Variants in SOX6 observed in about 807,000 individuals in gnomAD.
SOX6 encodes the protein transcription factor SOX-6.
A neutral mutation model predicts 97.8 loss-of-function variants in SOX6; 11 were observed. The observed-to-expected ratio is 0.11, with a 90% CI of 0.07 to 0.19. The LOEUF is 0.19. Ranked by LOEUF, SOX6 falls within the 10% of genes least tolerant of loss-of-function variation. The pLI, the probability that SOX6 is intolerant of heterozygous loss-of-function variation, is 1.00. For synonymous variants in SOX6, 360 were observed against 371.4 expected (o/e 0.97, Z 0.35); for missense variants, 810 against 1,039.5 (o/e 0.78, Z 3.04).
At chr11:16,267,206 TA>T (rs34063215) in intron 3 of SOX6, among the ~76,000 whole-genome samples, 117,560 of 150,894 alleles carry the variant, frequency 0.78, 45,945 homozygotes, top group Non-Finnish European at 0.8. Flanking sequence ...ACGTTAAAAT[TA>T]AAAAAAAACT....
intron 6 of SOX6, among the ~76,000 whole-genome samples, chr11:16,151,955 C>T (rs1850469512): frequency 6.6e-6 from 1 of 152,122 alleles, no homozygotes; most frequent in Non-Finnish European, 1.5e-5. Flanking sequence ...GTCAAAATAA[C>T]AACAGTTAAA....
intron 3 of SOX6, among the ~76,000 whole-genome samples, chr11:16,306,613 T>TTTTTTTTTTTTTC (rs1855442777): frequency 1.0e-4 from 13 of 128,446 alleles, no homozygotes; most frequent in South Asian, 2.6e-4. Flanking sequence ...TCAAATTTCT[T>TTTTTTTTTTTTTC]TTTTTTTTTT....
At chr11:16,211,333 A>G (rs1234343307) in intron 4 of SOX6, among the ~76,000 whole-genome samples, 1 of 152,120 alleles carries the variant, frequency 6.6e-6, no homozygotes, top group Non-Finnish European at 1.5e-5. Context: ...CTGTGTGGAG[A>G]CAAAGGAGAA....
chr11:16,064,864 C>T (rs1338684962), intron 9 of SOX6, among the ~76,000 whole-genome samples: 1 of 151,718 alleles, frequency 6.6e-6, no homozygotes, highest in African/African-American at 2.4e-5. Flanking sequence ...AAGGAATATG[C>T]CTCAATATAA....
intron 15 of SOX6, among the ~76,000 whole-genome samples, chr11:15,978,742 T>TTA (rs201126910): frequency 5.8e-4 from 83 of 142,228 alleles, no homozygotes; most frequent in South Asian, 5.4e-3. Context: ...ATAATGCTTA[T>TTA]TATATATATA....
At chr11:16,190,050 T>C (rs1212493174) in intron 4 of SOX6, among the ~76,000 whole-genome samples, 2 of 152,184 alleles carry the variant, frequency 1.3e-5, no homozygotes, top group African/African-American at 4.8e-5. Flanking sequence ...CTAAGTGACT[T>C]CTTAGCCTCT....
chr11:16,531,766 C>A (rs1861239645), intron 4 of SOX6, among the ~76,000 whole-genome samples: 1 of 151,876 alleles, frequency 6.6e-6, no homozygotes, highest in Non-Finnish European at 1.5e-5. Context: ...ACTCGCTAAT[C>A]TTTTTCTTGA....
intron 13 of SOX6, among the ~76,000 whole-genome samples, chr11:15,994,086 T>C (rs1854150249): frequency 6.6e-6 from 1 of 152,198 alleles, no homozygotes; most frequent in African/African-American, 2.4e-5. Flanking sequence ...TATACAAAGA[T>C]AAATAACATG....
chr11:16,701,724 CCG>C (rs1848095314), intron 3 of SOX6, among the ~76,000 whole-genome samples: 2 of 141,142 alleles, frequency 1.4e-5, no homozygotes, highest in African/African-American at 5.3e-5. Flanking sequence ...GGCGTGGTGG[CCG>C]GCGCCTGTAG....
intron 9 of SOX6, among the ~76,000 whole-genome samples, chr11:16,082,630 T>G (rs1848495788): frequency 6.6e-6 from 1 of 152,192 alleles, no homozygotes; most frequent in Non-Finnish European, 1.5e-5. Context: ...CAGTCTCATT[T>G]GCCACAGGGT....
intron 15 of SOX6, among the ~76,000 whole-genome samples, chr11:15,978,085 C>G (rs749927543): frequency 1.0e-3 from 158 of 152,122 alleles, no homozygotes; most frequent in Non-Finnish European, 7.1e-4. Context: ...ATCTCTCCAG[C>G]AATTGTCTCT....
At chr11:16,253,669 C>T (rs1232243844) in intron 3 of SOX6, among the ~76,000 whole-genome samples, 2 of 151,374 alleles carry the variant, frequency 1.3e-5, no homozygotes, top group African/African-American at 2.4e-5. Flanking sequence ...ACAGAAATCT[C>T]CAAAGGAAAA....
intron 3 of SOX6, among the ~76,000 whole-genome samples, chr11:16,247,615 C>T (rs1853378818): frequency 6.6e-6 from 1 of 152,074 alleles, no homozygotes. Context: ...TGGGAAGCCC[C>T]TTATAAAACC....
At chr11:16,009,718 T>C (rs1854654365) in intron 13 of SOX6, among the ~76,000 whole-genome samples, 1 of 152,046 alleles carries the variant, frequency 6.6e-6, no homozygotes, top group Admixed American at 6.6e-5. Flanking sequence ...TCTCCTTTAT[T>C]TCAAATCTGA....
chr11:16,330,534 G>A (rs990466333), intron 2 of SOX6, among the ~76,000 whole-genome samples: 3 of 152,156 alleles, frequency 2.0e-5, no homozygotes, highest in African/African-American at 7.2e-5. Flanking sequence ...TCCAGCCTGG[G>A]CGACAGAGCA....
At chr11:16,160,243 G>T (rs955197083) in intron 6 of SOX6, among the ~76,000 whole-genome samples, 1 of 152,160 alleles carries the variant, frequency 6.6e-6, no homozygotes, top group African/African-American at 2.4e-5. Flanking sequence ...ATCCAACTCA[G>T]CAGGAAGCCC....
At chr11:16,376,039 G>T (rs1426304424) in intron 1 of SOX6, among the ~76,000 whole-genome samples, 1 of 152,032 alleles carries the variant, frequency 6.6e-6, no homozygotes, top group Non-Finnish European at 1.5e-5. Context: ...GGAGTTGGGG[G>T]CTAGGGGAGG....
intron 4 of SOX6, among the ~76,000 whole-genome samples, chr11:16,561,449 A>C (rs1017175033): frequency 6.6e-6 from 1 of 152,190 alleles, no homozygotes; most frequent in African/African-American, 2.4e-5. Flanking sequence ...GACTTCATTC[A>C]GTTGCCAAAT....
intron 4 of SOX6, among the ~76,000 whole-genome samples, chr11:16,226,343 T>G (rs982348629): frequency 8.3e-5 from 12 of 144,156 alleles, no homozygotes; most frequent in Non-Finnish European, 1.4e-4. Flanking sequence ...TTTTGTTTTT[T>G]TTTTCTCTCT....
Sources: allele counts gnomAD v4.1 joint callset (sites outside exome capture counted in the v4.1 genomes callset), GRCh38; gene constraint gnomAD v4.1.1; transcripts MANE v1.5; gene names NCBI Gene and HGNC (gene_info 2026-07-23, HGNC 2026-07-21).